Variants in ATP11C observed in about 807,000 individuals in gnomAD.
ATP11C encodes ATPase phospholipid transporting 11C (ATP11C blood group).
In ATP11C, 36 loss-of-function variants were observed where a neutral mutation model predicts 97.4. That is an observed-to-expected ratio of 0.37 (90% CI 0.28 to 0.49). The LOEUF (loss-of-function observed/expected upper bound fraction) is 0.49, where lower values mean the gene tolerates loss of function less well. Among genes scored for constraint, ATP11C ranks in the 20% least tolerant of loss-of-function variants. The pLI, the probability that ATP11C is intolerant of heterozygous loss-of-function variation, is 0.98. For missense variants in ATP11C, 730 were observed against 824.6 expected (o/e 0.89, Z 1.40); for synonymous variants, 275 against 290.9 (o/e 0.95, Z 0.56).
chrX:139,886,365 C>G (rs1297085089), intron 1 of ATP11C, among the ~76,000 whole-genome samples: 1 of 110,578 alleles, frequency 9.0e-6, no homozygotes. Context: ...CCAAGGTGGG[C>G]AGATCACGAG....
chrX:139,750,192 G>GT (rs766351273), intron 23 of ATP11C, 40 bp from the exon 24 acceptor site: 16 of 1,131,808 alleles, frequency 1.4e-5, no homozygotes, highest in Non-Finnish European at 1.9e-5. Context: ...GAAATTTCAT[G>GT]TAACAATCAT....
At chrX:139,734,490 G>C (rs1333865514) in intron 28 of ATP11C, among the ~76,000 whole-genome samples, 1 of 111,522 alleles carries the variant, frequency 9.0e-6, no homozygotes, top group Non-Finnish European at 1.9e-5. Context: ...ACTTCACACA[G>C]GATATGTGGA....
At chrX:139,831,759 G>A (rs1466229428) in intron 1 of ATP11C, among the ~76,000 whole-genome samples, 2 of 111,582 alleles carry the variant, frequency 1.8e-5, no homozygotes, top group African/African-American at 6.5e-5. Context: ...CCATTTATAG[G>A]AAGTAACCTG....
At chrX:139,852,209 G>A (rs1428942905) in intron 1 of ATP11C, among the ~76,000 whole-genome samples, 1 of 110,153 alleles carries the variant, frequency 9.1e-6, no homozygotes, top group South Asian at 4.0e-4. Context: ...CTGTAAGGGT[G>A]CACCCTTCTA....
intron 1 of ATP11C, among the ~76,000 whole-genome samples, chrX:139,841,228 T>C (rs1051480570): frequency 1.8e-5 from 2 of 112,364 alleles, no homozygotes; most frequent in Non-Finnish European, 3.8e-5. Context: ...AATAACAGCA[T>C]GTAATCAACG....
rs1267066549 is a variant in ATP11C, at chrX:139,785,258, C to T, written c.1634G>A (p.Arg545Gln). The T allele has an allele frequency of 7.4e-6, 9 of 1,208,610 alleles. No individual in the cohort carries two copies. The highest frequency in any genetic ancestry group is 1.8e-5 in the South Asian group (1 of 56,300). Residue 545 changes from arginine (R) to glutamine (Q), a missense_variant, in exon 16 of 30, where the codon CGA (arginine) becomes CAA (glutamine). By Grantham distance (43) the Arg-to-Gln change is conservative. Coordinates refer to ENST00000682941, the MANE Select transcript of ATP11C (RefSeq NM_001353812.2). The part of the protein sequence containing the change: ...LHTLNFDAVR[R>Q]RMSVIVKTQE... Reference sequence around the variant, plus strand: ...AGTCTTCACAATTACACTCATACGTCGCCGGACAGCATCAAAGTTTAAGGT... The same window carrying T: ...AGTCTTCACAATTACACTCATACGTTGCCGGACAGCATCAAAGTTTAAGGT...
At chrX:139,857,162 T>C (rs2084104050) in intron 1 of ATP11C, among the ~76,000 whole-genome samples, 2 of 111,671 alleles carry the variant, frequency 1.8e-5, no homozygotes. Context: ...CATGCACCCG[T>C]AAGTTGATGC....
intron 2 of ATP11C, 44 bp from the exon 3 acceptor site, chrX:139,819,471 T>C (rs2083356387): frequency 3.2e-6 from 2 of 626,407 alleles, no homozygotes; most frequent in East Asian, 3.4e-5. Flanking sequence ...GAAGAAAACT[T>C]GAAAAATCTT....
intron 18 of ATP11C, among the ~76,000 whole-genome samples, chrX:139,780,141 C>G: frequency 9.0e-6 from 1 of 111,494 alleles, no homozygotes; most frequent in Non-Finnish European, 1.9e-5. Flanking sequence ...TGGTACCAAT[C>G]TTATTAAAAC....
At chrX:139,814,106 A>G (rs1603383506) in intron 5 of ATP11C, among the ~76,000 whole-genome samples, 1 of 111,271 alleles carries the variant, frequency 9.0e-6, no homozygotes, top group South Asian at 3.8e-4. Context: ...TAAAAATATA[A>G]TTTTTTAATT....
At chrX:139,866,692 A>G (rs1368555143) in intron 1 of ATP11C, among the ~76,000 whole-genome samples, 4 of 109,187 alleles carry the variant, frequency 3.7e-5, no homozygotes, top group Non-Finnish European at 5.7e-5. Flanking sequence ...ACACTCTAGC[A>G]TGGGTGACAG....
intron 1 of ATP11C, among the ~76,000 whole-genome samples, chrX:139,839,265 C>T (rs2083792544): frequency 9.0e-6 from 1 of 111,504 alleles, no homozygotes; most frequent in South Asian, 3.8e-4. Flanking sequence ...ATGGAGTTTC[C>T]TTTTAAGGAG....
Position 139,785,308 on chromosome X carries a change from G to A in ATP11C, c.1593-9C>T. The A allele has an allele frequency of 1.7e-6, 2 of 1,174,935 alleles. No homozygotes were observed. ...TGTGAAGAAGTTCATATCTTTAAGA[G>A]AAATGAGCAAAGTAAAAAACCTAGA... On this transcript the variant is annotated splice_polypyrimidine_tract_variant and intron_variant, in intron 15 of 29. Coordinates refer to ENST00000682941, the MANE Select transcript of ATP11C (RefSeq NM_001353812.2).
intron 1 of ATP11C, among the ~76,000 whole-genome samples, chrX:139,872,296 G>A (rs2084391855): frequency 2.5e-5 from 2 of 79,250 alleles, no homozygotes; most frequent in African/African-American, 9.6e-5. Flanking sequence ...GGGGGGGGGA[G>A]GGGTGGAACT....
intron 21 of ATP11C, among the ~76,000 whole-genome samples, chrX:139,762,696 T>C (rs1023731286): frequency 7.2e-5 from 8 of 111,283 alleles, no homozygotes; most frequent in Non-Finnish European, 9.4e-5. Flanking sequence ...TCCCAAGATA[T>C]GAATTCCATA....
intron 1 of ATP11C, among the ~76,000 whole-genome samples, chrX:139,899,727 A>G (rs1457697324): frequency 2.7e-5 from 3 of 111,531 alleles, no homozygotes; most frequent in Non-Finnish European, 5.6e-5. Flanking sequence ...ATGATTCTAA[A>G]ATAAAAATTT....
chrX:139,826,835 A>T lies in ATP11C; in HGVS notation c.28-12T>A. The T allele has an allele frequency of 8.4e-7, 1 of 1,193,760 alleles. No homozygotes were observed. On this transcript the variant is annotated splice_polypyrimidine_tract_variant and intron_variant, in intron 1 of 29. Transcript: ENST00000682941. The stretch of plus-strand genomic sequence containing the variant: ...TCTTCTCCAGCACACTGACCAAGAG[A>T]AAAGGGAAAAAATTCAGTTTTTCAT...
At chrX:139,760,466 A>G (rs771452322) in intron 22 of ATP11C, among the ~76,000 whole-genome samples, 1 of 111,948 alleles carries the variant, frequency 8.9e-6, no homozygotes, top group Non-Finnish European at 1.9e-5. Context: ...TTGACTATAG[A>G]CAACTGACAC....
chrX:139,824,644 G>T (rs1214848368), intron 2 of ATP11C, among the ~76,000 whole-genome samples: 1 of 111,229 alleles, frequency 9.0e-6, no homozygotes, highest in African/African-American at 3.3e-5. Flanking sequence ...CCAAGATCGC[G>T]CCACTGAACT....
Sources: allele counts gnomAD v4.1 joint callset (sites outside exome capture counted in the v4.1 genomes callset), GRCh38; gene constraint gnomAD v4.1.1; transcripts MANE v1.5; gene names NCBI Gene and HGNC (gene_info 2026-07-23, HGNC 2026-07-21).